FRAS1: variants seen among roughly 807,000 people sequenced by gnomAD.
The protein encoded by FRAS1 is extracellular matrix organizing protein FRAS1.
FRAS1 carries 290 observed loss-of-function variants against 435.2 expected under a neutral mutation model. The ratio of observed to expected loss-of-function variants is 0.67; its 90% CI spans 0.61 to 0.73. The LOEUF is 0.73. Among genes scored for constraint, FRAS1 ranks in the 30% least tolerant of loss-of-function variants. The pLI is 0.00. For missense variants in FRAS1, 4,860 were observed against 5,001.5 expected (o/e 0.97, Z 0.85); for synonymous variants, 1,800 against 1,851.0 (o/e 0.97, Z 0.71).
At chr4:78,405,418 T>C (rs1560708742) in intron 30 of FRAS1, among the ~76,000 whole-genome samples, 1 of 152,182 alleles carries the variant, frequency 6.6e-6, no homozygotes, top group African/African-American at 2.4e-5. Context: ...TTTTTTCTAC[T>C]TGAGTACAAA....
At chr4:78,342,238 T>G (rs1309535617) in intron 20 of FRAS1, among the ~76,000 whole-genome samples, 2 of 152,302 alleles carry the variant, frequency 1.3e-5, no homozygotes, top group Admixed American at 1.3e-4. Context: ...CTATTTGACT[T>G]GGAGACCTCT....
intron 2 of FRAS1, among the ~76,000 whole-genome samples, chr4:78,226,027 A>T (rs1200882567): frequency 6.6e-6 from 1 of 152,018 alleles, no homozygotes; most frequent in Non-Finnish European, 1.5e-5. Context: ...CATTATTCTT[A>T]GTTTGTTAGT....
At chr4:78,373,989 TG>T in intron 24 of FRAS1, 121 bp from the exon 25 acceptor site, 1 of 844,764 alleles carries the variant, frequency 1.2e-6, no homozygotes, top group Non-Finnish European at 1.7e-6. Context: ...ACTCTTCATA[TG>T]GTCCTTTGCC....
In FRAS1 at chr4:78,388,193, C is replaced by T. The variant is rs550685695; in HGVS notation, c.3975+492C>T. 4.3e-4 allele frequency among the ~76,000 whole-genome samples: 65 copies of T among 151,970 alleles called. No homozygotes were observed. In the South Asian group the frequency reaches 0.012, roughly 29 times the overall value. On this transcript the variant is annotated intron_variant, in intron 29 of 73. Transcript: ENST00000512123. ...ACAAAAAATTCGCTGGGCGTGGTGG[C>T]GGGTGCCTGTAGTCCTAGCTACTCG...
intron 32 of FRAS1, among the ~76,000 whole-genome samples, chr4:78,417,472 A>G (rs529046601): frequency 5.3e-4 from 81 of 152,334 alleles, no homozygotes; most frequent in African/African-American, 1.9e-3. Context: ...GTGTACAAAC[A>G]TGTATTGGAA....
chr4:78,163,563 C>T (rs933178713), intron 2 of FRAS1, among the ~76,000 whole-genome samples: 3 of 152,134 alleles, frequency 2.0e-5, no homozygotes, highest in African/African-American at 7.2e-5. Flanking sequence ...GTTTGGGACT[C>T]GGAATGCCAT....
chr4:78,444,256 T>G (rs1197566848), intron 41 of FRAS1: 1 of 439,454 alleles, frequency 2.3e-6, no homozygotes, highest in Non-Finnish European at 4.5e-6. Context: ...TTTTAGCCGT[T>G]CCTTCTGGAA....
rs527699086 is a variant in FRAS1, at chr4:78,342,694, TG to T, written c.2422+4882del. ...ATTAAAAGGAAAACAGATAAACACC[TG>T]GGGGCGGGGGAATGTCCACATGCAG... On this transcript the variant is annotated intron_variant, in intron 20 of 73. Transcript: ENST00000512123. 6.7e-4 allele frequency among the ~76,000 whole-genome samples: 102 copies of T among 152,210 alleles called. 1 individual carries two copies. In the Middle Eastern group the frequency reaches 0.027, roughly 41 times the overall value.
At chr4:78,247,236 A>C (rs935866560) in intron 4 of FRAS1, among the ~76,000 whole-genome samples, 1 of 152,148 alleles carries the variant, frequency 6.6e-6, no homozygotes, top group African/African-American at 2.4e-5. Flanking sequence ...ATCCCTCTGC[A>C]ATAATACACC....
chr4:78,444,951 C>A (rs1189070759), intron 41 of FRAS1, among the ~76,000 whole-genome samples: 1 of 152,186 alleles, frequency 6.6e-6, no homozygotes, highest in Non-Finnish European at 1.5e-5. Context: ...TGGGCTCTGA[C>A]CCATGCAGAG....
intron 2 of FRAS1, among the ~76,000 whole-genome samples, chr4:78,192,042 T>C (rs529785017): frequency 6.6e-6 from 1 of 152,302 alleles, no homozygotes; most frequent in South Asian, 2.1e-4. Context: ...TTTATAATCC[T>C]TTGGGTATGT....
chr4:78,234,721 T>G (rs1724672976), intron 2 of FRAS1, among the ~76,000 whole-genome samples: 1 of 152,254 alleles, frequency 6.6e-6, no homozygotes, highest in African/African-American at 2.4e-5. Context: ...TCACCTCAGA[T>G]AGACTTTATA....
chr4:78,403,684 C>G (rs1229123672), intron 30 of FRAS1, among the ~76,000 whole-genome samples: 1 of 152,144 alleles, frequency 6.6e-6, no homozygotes, highest in Non-Finnish European at 1.5e-5. Context: ...CTTGCAGACT[C>G]ACCACCGTTT....
In FRAS1 at chr4:78,364,066, C is replaced by T. The variant is rs1209249401; in HGVS notation, c.2722+12C>T. 1.3e-6 allele frequency: 2 copies of T among 1,568,274 alleles called. No homozygotes were observed. Among genetic ancestry groups the T allele is most frequent in the Non-Finnish European group, 8.7e-7 (1 of 1,155,812 alleles). The stretch of plus-strand genomic sequence containing the variant: ...TCATGTTTGCCAGCGTAGGTTTTTC[C>T]AATGAACCTTCTCTCCTTTCCTTCT... On this transcript the variant is annotated intron_variant, in intron 22 of 73. Coordinates refer to ENST00000512123, the MANE Select transcript of FRAS1 (RefSeq NM_025074.7).
In FRAS1 at chr4:78,138,605, C is replaced by G. The variant is rs137860513; in HGVS notation, c.108+72589C>G. Among the ~76,000 whole-genome samples, 93 of 152,222 alleles carry G rather than the reference C, an allele frequency of 6.1e-4. 1 individual carries two copies. Among genetic ancestry groups the G allele is most frequent in the Middle Eastern group, 3.4e-3 (1 of 292 alleles). Reference sequence around the variant, plus strand: ...TATATAATAATTCCCTGCCACTTACCATTGTGTGTTCCTGGACAAGTGACT... The same window carrying G: ...TATATAATAATTCCCTGCCACTTACGATTGTGTGTTCCTGGACAAGTGACT... On this transcript the variant is annotated intron_variant, in intron 2 of 73. Coordinates refer to ENST00000512123, the MANE Select transcript of FRAS1 (RefSeq NM_025074.7).
chr4:78,092,267 G>A (rs1338070011), intron 2 of FRAS1, among the ~76,000 whole-genome samples: 1 of 152,140 alleles, frequency 6.6e-6, no homozygotes, highest in Non-Finnish European at 1.5e-5. Context: ...CTGGATTGTG[G>A]TCAGGACCGG....
intron 49 of FRAS1, among the ~76,000 whole-genome samples, chr4:78,465,957 C>T (rs1437062823): frequency 6.6e-6 from 1 of 152,096 alleles, no homozygotes; most frequent in African/African-American, 2.4e-5. Flanking sequence ...CAGGCTTTCC[C>T]CCATGACCTG....
In FRAS1 at chr4:78,255,314, T is replaced by C. The variant is rs1025185176; in HGVS notation, c.542T>C (p.Leu181Pro). Residue 181 changes from leucine (L) to proline (P), a missense_variant, in exon 6 of 74, where the codon CTG becomes CCG. Transcript: ENST00000512123. ...DWRLSRCAKCLCRNGVAQCFT... is the reference protein window; with the variant it reads ...DWRLSRCAKCPCRNGVAQCFT... ...CGGCTGAGCCGGTGTGCCAAATGTC[T>C]GTGTAGAAATGGGGTTGCCCAGTGC... is the stretch of plus-strand genomic sequence containing the variant. 3 of 1,571,944 alleles carry C rather than the reference T, an allele frequency of 1.9e-6. No homozygotes were observed. The highest frequency in any genetic ancestry group is 1.7e-6 in the Non-Finnish European group (2 of 1,157,720).
At chr4:78,428,962 A>G (rs796374064) in intron 35 of FRAS1, 133 bp from the exon 36 acceptor site, 1 of 827,216 alleles carries the variant, frequency 1.2e-6, no homozygotes, top group African/African-American at 1.7e-5. Flanking sequence ...AAAGTAGTGC[A>G]AAAAAGTTTC....
Sources: allele counts gnomAD v4.1 joint callset (sites outside exome capture counted in the v4.1 genomes callset), GRCh38; gene constraint gnomAD v4.1.1; transcripts MANE v1.5; gene names NCBI Gene and HGNC (gene_info 2026-07-23, HGNC 2026-07-21).